FRMD4A: variants seen among roughly 807,000 people sequenced by gnomAD.
FRMD4A encodes the protein FERM domain-containing protein 4A.
A neutral mutation model predicts 129.1 loss-of-function variants in FRMD4A; 29 were observed. The ratio of observed to expected loss-of-function variants is 0.22; its 90% CI spans 0.17 to 0.31. The LOEUF is 0.31. Among genes scored for constraint, FRMD4A ranks in the 10% least tolerant of loss-of-function variants. The pLI is 1.00. For synonymous variants in FRMD4A, 634 were observed against 571.6 expected, an observed-to-expected ratio of 1.11 and a Z score of -1.56; for missense variants, 1,272 against 1,375.8, an observed-to-expected ratio of 0.92 and a Z score of 1.19.
At chr10:13,684,433 C>T (rs1224534733) in intron 15 of FRMD4A, 17 of 985,202 alleles carry the variant, frequency 1.7e-5, no homozygotes, top group Admixed American at 6.2e-5. Context: ...CTGTGGGTTT[C>T]CCAGCTTCCA....
chr10:14,289,202 G>T (rs577582512), intron 2 of FRMD4A, among the ~76,000 whole-genome samples: 141 of 152,180 alleles, frequency 9.3e-4, no homozygotes, highest in Admixed American at 2.3e-3. Flanking sequence ...ATACCGTTTT[G>T]TATAGTGGCT....
chr10:14,259,431 T>A (rs1844724822), intron 2 of FRMD4A, among the ~76,000 whole-genome samples: 1 of 152,192 alleles, frequency 6.6e-6, no homozygotes, highest in Non-Finnish European at 1.5e-5. Flanking sequence ...TTTATAAAAA[T>A]GGCATTTTTT....
intron 2 of FRMD4A, among the ~76,000 whole-genome samples, chr10:13,992,552 C>T (rs11258781): frequency 0.29 from 43,592 of 152,140 alleles, 7,398 homozygotes; most frequent in East Asian, 0.73. Context: ...CACTAAACAT[C>T]AGCCCTCAAT....
chr10:14,108,299 T>C (rs1480733646), intron 2 of FRMD4A, among the ~76,000 whole-genome samples: 1 of 152,250 alleles, frequency 6.6e-6, no homozygotes, highest in African/African-American at 2.4e-5. Flanking sequence ...ATTTATGGGT[T>C]GTATTTTGTG....
At chr10:13,944,074 A>G (rs1197017130) in intron 2 of FRMD4A, among the ~76,000 whole-genome samples, 2 of 152,220 alleles carry the variant, frequency 1.3e-5, no homozygotes, top group African/African-American at 4.8e-5. Context: ...GGGCAGGTGA[A>G]TACCTAAACC....
intron 2 of FRMD4A, among the ~76,000 whole-genome samples, chr10:14,040,781 A>G (rs1394457397): frequency 6.6e-6 from 1 of 152,226 alleles, no homozygotes; most frequent in Non-Finnish European, 1.5e-5. Flanking sequence ...AGAGGAAATA[A>G]GACGGAGACG....
chr10:14,157,351 G>A (rs958968672), intron 2 of FRMD4A, among the ~76,000 whole-genome samples: 5 of 152,108 alleles, frequency 3.3e-5, no homozygotes, highest in African/African-American at 7.2e-5. Flanking sequence ...GGTCATCATC[G>A]CCTGCATATC....
At chr10:13,960,788 G>A (rs142475993) in intron 2 of FRMD4A, among the ~76,000 whole-genome samples, 2 of 152,208 alleles carry the variant, frequency 1.3e-5, no homozygotes, top group Non-Finnish European at 2.9e-5. Flanking sequence ...AGAAGAAGAG[G>A]AGCCCCACTT....
At chr10:14,073,015 A>C (rs1588911050) in intron 2 of FRMD4A, among the ~76,000 whole-genome samples, 1 of 151,548 alleles carries the variant, frequency 6.6e-6, no homozygotes, top group Non-Finnish European at 1.5e-5. Flanking sequence ...AAGAGCCAAA[A>C]AGAAGGGATA....
intron 2 of FRMD4A, among the ~76,000 whole-genome samples, chr10:14,011,729 C>T (rs1032434072): frequency 3.0e-4 from 46 of 152,146 alleles, no homozygotes; most frequent in Admixed American, 1.7e-3. Flanking sequence ...CAAGAGAAGG[C>T]GGGACACGGT....
intron 2 of FRMD4A, among the ~76,000 whole-genome samples, chr10:14,221,845 A>G (rs963457922): frequency 6.6e-6 from 1 of 152,068 alleles, no homozygotes; most frequent in African/African-American, 2.4e-5. Flanking sequence ...GTGAGTCACA[A>G]TGCGCCGCCA....
chr10:14,246,382 TAC>T (rs72276961), intron 2 of FRMD4A, among the ~76,000 whole-genome samples: 23,542 of 150,968 alleles, frequency 0.16, 2,778 homozygotes, highest in African/African-American at 0.33. Flanking sequence ...AAAACACACA[TAC>T]ACACACACAC....
intron 2 of FRMD4A, among the ~76,000 whole-genome samples, chr10:14,025,208 A>G (rs1459821962): frequency 6.6e-6 from 1 of 152,202 alleles, no homozygotes; most frequent in East Asian, 1.9e-4. Context: ...AAAATTTAAT[A>G]TCTCGTGTCA....
chr10:13,931,203 G>A (rs1410349479), intron 2 of FRMD4A, among the ~76,000 whole-genome samples: 1 of 152,136 alleles, frequency 6.6e-6, no homozygotes, highest in African/African-American at 2.4e-5. Context: ...TATGTTTCCA[G>A]GAAAGGAAGC....
At chr10:13,890,834 T>C in intron 2 of FRMD4A, 2 of 985,322 alleles carry the variant, frequency 2.0e-6, no homozygotes, top group Non-Finnish European at 2.4e-6. Flanking sequence ...GGATGTCTAT[T>C]AAGAAGCCGT....
chr10:13,834,623 G>A (rs1564881578), intron 3 of FRMD4A, among the ~76,000 whole-genome samples: 1 of 152,156 alleles, frequency 6.6e-6, no homozygotes, highest in Non-Finnish European at 1.5e-5. Flanking sequence ...CGGGGCAGAG[G>A]GAAGACGAAA....
At chr10:14,128,870 T>A (rs758083691) in intron 2 of FRMD4A, among the ~76,000 whole-genome samples, 11 of 152,132 alleles carry the variant, frequency 7.2e-5, no homozygotes, top group Non-Finnish European at 4.4e-5. Context: ...ACCCCTGAGT[T>A]GTGACAGTCA....
intron 2 of FRMD4A, among the ~76,000 whole-genome samples, chr10:14,185,497 C>T (rs75889037): frequency 0.32 from 47,925 of 151,990 alleles, 7,650 homozygotes; most frequent in Non-Finnish European, 0.34. Context: ...ATTTTTCTAA[C>T]TTCAAGTATT....
chr10:13,813,207 G>A (rs112568051), intron 3 of FRMD4A, among the ~76,000 whole-genome samples: 4,929 of 152,366 alleles, frequency 0.032, 225 homozygotes, highest in African/African-American at 0.11. Flanking sequence ...CACTTTGGGA[G>A]GCCGAGGTGG....
Sources: allele counts gnomAD v4.1 joint callset (sites outside exome capture counted in the v4.1 genomes callset), GRCh38; gene constraint gnomAD v4.1.1; transcripts MANE v1.5; gene names NCBI Gene and HGNC (gene_info 2026-07-23, HGNC 2026-07-21).